The following UXS1 variants were observed in gnomAD, a reference collection of about 807,000 sequenced individuals.
UXS1 encodes UDP-glucuronate decarboxylase 1.
In UXS1, 33 loss-of-function variants were observed where a neutral mutation model predicts 62.6. The observed-to-expected ratio is 0.53, with a 90% CI of 0.40 to 0.70. The LOEUF (loss-of-function observed/expected upper bound fraction) is 0.70. UXS1 is among the 30% of genes least tolerant of loss of function. The pLI is 0.00. For missense variants in UXS1, 434 were observed against 556.3 expected (o/e 0.78, Z 2.21); for synonymous variants, 213 against 206.8 (o/e 1.03, Z -0.26).
intron 10 of UXS1, among the ~76,000 whole-genome samples, chr2:106,108,787 C>T (rs980375227): frequency 1.3e-5 from 2 of 152,138 alleles, no homozygotes; most frequent in East Asian, 1.9e-4. Context: ...TGTCCCCAGC[C>T]GCTGTGCTTT....
intron 1 of UXS1, among the ~76,000 whole-genome samples, chr2:106,187,286 G>A (rs1684621735): frequency 6.6e-6 from 1 of 152,108 alleles, no homozygotes; most frequent in Non-Finnish European, 1.5e-5. Flanking sequence ...ACCTGCATTT[G>A]ACAAGCCCAA....
rs1177253818 is a variant in UXS1 at position 106,098,881 on chromosome 2, CCTGCG to C, written c.985-113_985-109del. The C allele has an allele frequency of 3.1e-6, 3 of 970,660 alleles. No individual in the cohort carries two copies. The African/African-American group carries it at 4.9e-5, about 16-fold the overall frequency. The allele number at this position is 970,660 out of a possible 1,614,324, so 60.1% of individuals were successfully genotyped here. Reference sequence around the variant, plus strand: ...ACGTCTACTGGCCGAGTCTGACCTCCCTGCGCTGCTTCAGCAGAGCTCCGTGTGCC... The same window carrying C: ...ACGTCTACTGGCCGAGTCTGACCTCCCTGCTTCAGCAGAGCTCCGTGTGCC... On this transcript the variant is annotated intron_variant, in intron 12 of 14. Transcript: ENST00000283148.
intron 9 of UXS1, among the ~76,000 whole-genome samples, chr2:106,120,535 A>G (rs2104914294): frequency 6.6e-6 from 1 of 152,290 alleles, no homozygotes; most frequent in East Asian, 1.9e-4. Context: ...GGCAGATGCA[A>G]ACCCTCAGCA....
chr2:106,181,359 G>T (rs747274714), intron 1 of UXS1, among the ~76,000 whole-genome samples: 1 of 152,184 alleles, frequency 6.6e-6, no homozygotes, highest in Non-Finnish European at 1.5e-5. Flanking sequence ...AGGCTCCAGC[G>T]AGCACCACCG....
intron 9 of UXS1, among the ~76,000 whole-genome samples, chr2:106,114,777 G>T (rs997081488): frequency 1.3e-5 from 2 of 152,182 alleles, no homozygotes; most frequent in African/African-American, 4.8e-5. Flanking sequence ...TTCTATACAG[G>T]TGCAACAGCC....
intron 10 of UXS1, among the ~76,000 whole-genome samples, chr2:106,110,147 A>G (rs192548298): frequency 1.3e-5 from 2 of 152,314 alleles, no homozygotes; most frequent in African/African-American, 4.8e-5. Flanking sequence ...GACAAAGGAA[A>G]CAAAACACAT....
chr2:106,094,144 T>G lies in UXS1; in HGVS notation c.1160A>C (p.Glu387Ala). 1 of 1,610,436 alleles carries G rather than the reference T, an allele frequency of 6.2e-7. No homozygotes were observed. Among genetic ancestry groups the G allele is most frequent in the African/African-American group, 1.4e-5 (1 of 73,090 alleles). Residue 387 changes from glutamate to alanine, a missense_variant, in exon 15 of 15, where the codon GAA becomes GCA. Glu to Ala is a moderately radical substitution (Grantham distance 107). Around this residue, in one of 3 missense-constraint regions of UXS1, gnomAD observed 209 missense variants for 233.3 expected, o/e 0.90. Coordinates refer to ENST00000283148, the MANE Select transcript of UXS1 (RefSeq NM_001253875.2). ...LGWEPVVPLE[E>A]GLNKAIHYFR... The stretch of plus-strand genomic sequence containing the variant: ...GTAGTGAATTGCTTTGTTTAAACCT[T>G]CCTCCAGCGGGACCTGTTTAAAGGG...
Position 106,112,732 on chromosome 2 carries a change from TGAA to T in UXS1, c.790_792del (p.Phe264del). ...ATGTGCATGCGTGGCCCAAAGGTGT[TGAA>T]GATTCTGGCCACTCGCACTTCCACG... On this transcript the variant is annotated inframe_deletion, in exon 10 of 15. Transcript: ENST00000283148. The T allele has an allele frequency of 6.2e-7, 1 of 1,614,004 alleles. No individual in the cohort carries two copies. The highest frequency in any genetic ancestry group is 8.5e-7 in the Non-Finnish European group (1 of 1,179,898).
At chr2:106,147,549 C>T (rs1183354274) in intron 5 of UXS1, among the ~76,000 whole-genome samples, 2 of 152,138 alleles carry the variant, frequency 1.3e-5, no homozygotes, top group South Asian at 4.1e-4. Context: ...TGCCACTGCA[C>T]TCCAGCCTGT....
At chr2:106,158,668 G>A (rs775255845) in intron 4 of UXS1, among the ~76,000 whole-genome samples, 5 of 152,116 alleles carry the variant, frequency 3.3e-5, no homozygotes, top group South Asian at 2.1e-4. Flanking sequence ...TTCCTAAGCC[G>A]AGGTTAGAGT....
chr2:106,164,919 T>G (rs1683119959), intron 2 of UXS1, 120 bp from the exon 3 acceptor site: 1 of 681,580 alleles, frequency 1.5e-6, no homozygotes, highest in Non-Finnish European at 2.4e-6. Flanking sequence ...ATCAGTCATG[T>G]GTACAATTCC....
At chr2:106,141,944 C>T (rs1681141709) in intron 6 of UXS1, among the ~76,000 whole-genome samples, 1 of 150,704 alleles carries the variant, frequency 6.6e-6, no homozygotes, top group African/African-American at 2.4e-5. Flanking sequence ...TATCTTGGCT[C>T]ACTGCAACCT....
At chr2:106,125,572 C>T (rs1298839497) in intron 8 of UXS1, 48 bp downstream of exon 8, 3 of 1,493,612 alleles carry the variant, frequency 2.0e-6, no homozygotes, top group African/African-American at 1.4e-5. Context: ...AGGATGAAAA[C>T]AGTCCAAGGG....
intron 5 of UXS1, among the ~76,000 whole-genome samples, chr2:106,146,798 A>G (rs980264468): frequency 7.0e-6 from 1 of 142,676 alleles, no homozygotes; most frequent in Non-Finnish European, 1.5e-5. Flanking sequence ...AAAAAAAAAG[A>G]AGCCATCTGG....
At chr2:106,125,352 G>C (rs377188210) in intron 8 of UXS1, among the ~76,000 whole-genome samples, 12 of 152,346 alleles carry the variant, frequency 7.9e-5, no homozygotes, top group Middle Eastern at 3.4e-3. Context: ...CAGAATGGCA[G>C]AAACACTTCT....
rs772488162 is a variant in UXS1 at position 106,166,124 on chromosome 2, C to A, written c.95-41G>T. On this transcript the variant is annotated intron_variant, in intron 1 of 14. Coordinates refer to ENST00000283148, the MANE Select transcript of UXS1 (RefSeq NM_001253875.2). ...AAAAGGAAGTCAATGTTTAAGTCCA[C>A]AACTTTCAGGGATTCCAATGGATGG... is the stretch of plus-strand genomic sequence containing the variant. 3.8e-6 allele frequency: 6 copies of A among 1,594,414 alleles called. No individual in the cohort carries two copies. In the African/African-American group the frequency reaches 8.1e-5, roughly 22 times the overall value.
In UXS1 at chr2:106,098,787, G is replaced by A. The variant is rs777440261; in HGVS notation, c.985-14C>T. On this transcript the variant is annotated splice_polypyrimidine_tract_variant and intron_variant, in intron 12 of 14. Coordinates refer to ENST00000283148, the MANE Select transcript of UXS1 (RefSeq NM_001253875.2). ...TTCTGGGTTCCCCTAAGAAAGAAACGGTTTCCAGTTATAAGCGTCATGACA... is the reference window on the plus strand; with the variant it reads ...TTCTGGGTTCCCCTAAGAAAGAAACAGTTTCCAGTTATAAGCGTCATGACA... 8.1e-6 allele frequency: 13 copies of A among 1,609,652 alleles called. No individual in the cohort carries two copies. The highest frequency in any genetic ancestry group is 3.4e-5 in the Admixed American group (2 of 59,432).
intron 9 of UXS1, among the ~76,000 whole-genome samples, chr2:106,118,597 G>T (rs1379345236): frequency 1.3e-5 from 2 of 152,180 alleles, no homozygotes; most frequent in East Asian, 3.9e-4. Flanking sequence ...GAAAGGCTCT[G>T]CCCTTTGATC....
At chr2:106,165,326 C>T (rs1683147771) in intron 2 of UXS1, among the ~76,000 whole-genome samples, 1 of 152,184 alleles carries the variant, frequency 6.6e-6, no homozygotes, top group African/African-American at 2.4e-5. Flanking sequence ...GAAAAGCCTC[C>T]TGAGGGCATA....
Sources: allele counts gnomAD v4.1 joint callset (sites outside exome capture counted in the v4.1 genomes callset), GRCh38; gene constraint gnomAD v4.1.1; regional missense constraint gnomAD v4.1.1; transcripts MANE v1.5; gene names NCBI Gene and HGNC (gene_info 2026-07-23, HGNC 2026-07-21).